The following AK9 variants were observed in gnomAD, a reference collection of about 807,000 sequenced individuals.
AK9 encodes the protein adenylate kinase domain containing 1.
A neutral mutation model predicts 239.6 loss-of-function variants in AK9; 191 were observed. That is an observed-to-expected ratio of 0.80 (90% CI 0.71 to 0.90). The LOEUF is 0.90. Ranked by LOEUF, AK9 falls within the 40% of genes least tolerant of loss-of-function variation. The pLI is 0.00. For synonymous variants in AK9, 689 were observed against 721.0 expected (o/e 0.96, Z 0.71); for missense variants, 1,995 against 2,214.7 (o/e 0.90, Z 1.99).
chr6:109,620,730 CTAAAA>C (rs1794707125), intron 12 of AK9, among the ~76,000 whole-genome samples: 1 of 151,644 alleles, frequency 6.6e-6, no homozygotes, highest in African/African-American at 2.4e-5. Flanking sequence ...ACTTACTTAA[CTAAAA>C]TATGAATACA....
intron 20 of AK9, among the ~76,000 whole-genome samples, chr6:109,577,673 T>G (rs1022900095): frequency 4.6e-5 from 7 of 152,184 alleles, no homozygotes; most frequent in African/African-American, 1.4e-4. Context: ...GTTATTGGTC[T>G]GTTAGGGGCT....
At chr6:109,659,767 T>A (rs1399680288) in intron 6 of AK9, among the ~76,000 whole-genome samples, 1 of 152,172 alleles carries the variant, frequency 6.6e-6, no homozygotes, top group Non-Finnish European at 1.5e-5. Context: ...TTGAAAAGTT[T>A]ACGAATGGAG....
chr6:109,612,346 C>T (rs1016282805), intron 15 of AK9, among the ~76,000 whole-genome samples: 7 of 152,166 alleles, frequency 4.6e-5, no homozygotes, highest in African/African-American at 1.7e-4. Context: ...CAACAGTGCC[C>T]TTCCTGAGGC....
chr6:109,575,219 T>C (rs1787909609), intron 20 of AK9, among the ~76,000 whole-genome samples: 1 of 152,226 alleles, frequency 6.6e-6, no homozygotes, highest in Admixed American at 6.5e-5. Context: ...CTGGATCAAA[T>C]GGCAGTTTTA....
intron 8 of AK9, among the ~76,000 whole-genome samples, chr6:109,656,508 C>T (rs1799716271): frequency 6.6e-6 from 1 of 152,146 alleles, no homozygotes; most frequent in African/African-American, 2.4e-5. Flanking sequence ...GGAATTTCCT[C>T]ACTGGCTTTT....
At chr6:109,606,327 G>A (rs1792877623) in intron 17 of AK9, among the ~76,000 whole-genome samples, 1 of 152,016 alleles carries the variant, frequency 6.6e-6, no homozygotes, top group Non-Finnish European at 1.5e-5. Flanking sequence ...GGAAGCAGAG[G>A]AAATAGGACA....
chr6:109,673,220 A>AGT (rs970046071), intron 3 of AK9, among the ~76,000 whole-genome samples: 2 of 151,484 alleles, frequency 1.3e-5, no homozygotes, highest in Non-Finnish European at 3.0e-5. Flanking sequence ...TGTGTGTGTG[A>AGT]GTGTGTGTGT....
intron 24 of AK9, 127 bp downstream of exon 24, chr6:109,563,470 G>A (rs958163604): frequency 2.9e-6 from 4 of 1,363,372 alleles, no homozygotes; most frequent in African/African-American, 2.9e-5. Context: ...AGCTGAGGCA[G>A]AGGGAGAATG....
intron 20 of AK9, among the ~76,000 whole-genome samples, chr6:109,575,105 G>A (rs11153194): frequency 0.55 from 84,110 of 151,854 alleles, 24,863 homozygotes; most frequent in South Asian, 0.78. Context: ...TTATCCACTC[G>A]GTTGATGGCA....
intron 5 of AK9, among the ~76,000 whole-genome samples, chr6:109,662,899 A>C (rs1800620785): frequency 6.6e-6 from 1 of 151,910 alleles, no homozygotes; most frequent in Non-Finnish European, 1.5e-5. Context: ...ATTTTTGAAA[A>C]CTCCAAGTCA....
At chr6:109,678,191 A>C (rs1291425668) in intron 1 of AK9, among the ~76,000 whole-genome samples, 1 of 152,252 alleles carries the variant, frequency 6.6e-6, no homozygotes, top group Non-Finnish European at 1.5e-5. Flanking sequence ...ACAATTAAGC[A>C]AACTGTGGTA....
At chr6:109,646,451 C>A (rs919980630) in intron 8 of AK9, among the ~76,000 whole-genome samples, 2 of 151,918 alleles carry the variant, frequency 1.3e-5, no homozygotes, top group African/African-American at 4.8e-5. Context: ...GATGCATGCA[C>A]AAGCTTCAGT....
chr6:109,515,374 A>G (rs1190743437), intron 31 of AK9, among the ~76,000 whole-genome samples: 3 of 152,214 alleles, frequency 2.0e-5, no homozygotes, highest in African/African-American at 4.8e-5. Flanking sequence ...GTGGTGCCCC[A>G]TCTTTGCACT....
intron 5 of AK9, among the ~76,000 whole-genome samples, chr6:109,667,670 G>T (rs898410290): frequency 1.3e-5 from 2 of 151,438 alleles, no homozygotes; most frequent in Non-Finnish European, 2.9e-5. Context: ...TTTTGTCCTT[G>T]CGATAGTTTG....
At chr6:109,651,608 C>CA (rs1259615649) in intron 8 of AK9, among the ~76,000 whole-genome samples, 2 of 151,832 alleles carry the variant, frequency 1.3e-5, no homozygotes, top group Admixed American at 6.6e-5. Flanking sequence ...TAAAACTCTT[C>CA]AAAAAAATCA....
intron 1 of AK9, among the ~76,000 whole-genome samples, chr6:109,683,296 T>C (rs535640216): frequency 2.6e-5 from 4 of 152,316 alleles, no homozygotes; most frequent in South Asian, 2.1e-4. Context: ...AATATCATAT[T>C]GAATGGGCAA....
intron 6 of AK9, 131 bp from the exon 7 acceptor site, chr6:109,659,544 T>C: frequency 8.5e-7 from 1 of 1,180,714 alleles, no homozygotes; most frequent in Non-Finnish European, 1.1e-6. Flanking sequence ...TGCAATATTG[T>C]GACTGGCATT....
intron 17 of AK9, among the ~76,000 whole-genome samples, chr6:109,609,666 G>A (rs1204580257): frequency 6.6e-6 from 1 of 152,106 alleles, no homozygotes; most frequent in Non-Finnish European, 1.5e-5. Flanking sequence ...GTTACAAAGA[G>A]GTTCCATACT....
chr6:109,530,999 C>T (rs1340648445), intron 28 of AK9, among the ~76,000 whole-genome samples: 1 of 151,928 alleles, frequency 6.6e-6, no homozygotes, highest in Non-Finnish European at 1.5e-5. Context: ...GCTGAGATTG[C>T]GCCACTGCAT....
Sources: allele counts gnomAD v4.1 joint callset (sites outside exome capture counted in the v4.1 genomes callset), GRCh38; gene constraint gnomAD v4.1.1; transcripts MANE v1.5; gene names NCBI Gene and HGNC (gene_info 2026-07-23, HGNC 2026-07-21).